SELENOF: variants seen among roughly 807,000 people sequenced by gnomAD.
SELENOF encodes the protein selenoprotein F, also known as 15 kDa selenoprotein.
SELENOF carries 16 observed loss-of-function variants against 20.5 expected under a neutral mutation model. That is an observed-to-expected ratio of 0.78 (90% CI 0.53 to 1.19). SELENOF has a LOEUF of 1.19. SELENOF is among the 50% of genes most tolerant of loss of function. SELENOF has a pLI of 0.00. For synonymous variants in SELENOF, 78 were observed against 74.5 expected, an observed-to-expected ratio of 1.05 and a Z score of -0.24; for missense variants, 215 against 194.2, an observed-to-expected ratio of 1.11 and a Z score of -0.64.
chr1:86,869,502 C>G (rs1162500259), intron 3 of SELENOF, among the ~76,000 whole-genome samples: 1 of 152,066 alleles, frequency 6.6e-6, no homozygotes. Context: ...AAGCTCTAAA[C>G]AAATCTTAAA....
intron 1 of SELENOF, among the ~76,000 whole-genome samples, chr1:86,911,130 G>GT (rs1212673443): frequency 1.3e-5 from 2 of 152,216 alleles, no homozygotes; most frequent in East Asian, 3.9e-4. Flanking sequence ...ACTATGGAAC[G>GT]TATCTCAGAG....
intron 2 of SELENOF, among the ~76,000 whole-genome samples, chr1:86,882,645 A>G (rs1341348842): frequency 6.6e-6 from 1 of 152,202 alleles, no homozygotes; most frequent in African/African-American, 2.4e-5. Flanking sequence ...CTGCAATTCT[A>G]CTTCTGGGTA....
At chr1:86,882,505 A>C (rs1659103196) in intron 2 of SELENOF, among the ~76,000 whole-genome samples, 1 of 151,616 alleles carries the variant, frequency 6.6e-6, no homozygotes. Flanking sequence ...AAAAAAAAAA[A>C]AAAAAGAGAT....
chr1:86,873,338 A>G (rs1391958970), intron 3 of SELENOF, among the ~76,000 whole-genome samples: 1 of 144,398 alleles, frequency 6.9e-6, no homozygotes, highest in African/African-American at 2.7e-5. Context: ...TTGATTTCTG[A>G]GAAAATTCAT....
chr1:86,908,730 C>CT (rs1391684002), intron 1 of SELENOF, among the ~76,000 whole-genome samples: 2 of 152,146 alleles, frequency 1.3e-5, no homozygotes, highest in Non-Finnish European at 2.9e-5. Context: ...TCATTCTATA[C>CT]TGCTTTTTAG....
At chr1:86,889,609 AAAC>A (rs1391247907) in intron 2 of SELENOF, among the ~76,000 whole-genome samples, 2 of 152,092 alleles carry the variant, frequency 1.3e-5, no homozygotes, top group African/African-American at 4.8e-5. Context: ...CAAACAAACA[AAAC>A]AACAACAACA....
At chr1:86,906,260 T>C (rs1659824651) in intron 1 of SELENOF, among the ~76,000 whole-genome samples, 3 of 152,352 alleles carry the variant, frequency 2.0e-5, no homozygotes, top group South Asian at 4.1e-4. Context: ...TTTGGGTAAT[T>C]TCTCCATCAG....
chr1:86,878,419 T>C (rs769950734), intron 3 of SELENOF, among the ~76,000 whole-genome samples: 3 of 152,320 alleles, frequency 2.0e-5, no homozygotes, highest in Middle Eastern at 3.4e-3. Flanking sequence ...TGGTGGCTCA[T>C]GCCTGTAATC....
At chr1:86,871,670 G>C (rs1343623396) in intron 3 of SELENOF, among the ~76,000 whole-genome samples, 2 of 152,030 alleles carry the variant, frequency 1.3e-5, no homozygotes, top group Non-Finnish European at 2.9e-5. Flanking sequence ...ACCTACCACT[G>C]TATTTAATTT....
chr1:86,876,627 T>G (rs576955), intron 3 of SELENOF, among the ~76,000 whole-genome samples: 46,504 of 152,102 alleles, frequency 0.31, 9,383 homozygotes, highest in African/African-American at 0.58. Flanking sequence ...TATAGATTGG[T>G]AGTCATCAGA....
intron 2 of SELENOF, among the ~76,000 whole-genome samples, chr1:86,891,787 A>G (rs1323481149): frequency 2.0e-5 from 3 of 152,216 alleles, no homozygotes; most frequent in Non-Finnish European, 4.4e-5. Flanking sequence ...CTAAGACTCA[A>G]CTACGAAATA....
chr1:86,899,671 G>C (rs1431474480), intron 2 of SELENOF, among the ~76,000 whole-genome samples: 1 of 151,536 alleles, frequency 6.6e-6, no homozygotes, highest in Non-Finnish European at 1.5e-5. Context: ...CGGATGGGGC[G>C]GCTGGCCTGG....
intron 4 of SELENOF, 124 bp downstream of exon 4, chr1:86,867,929 T>A: frequency 2.4e-6 from 1 of 417,090 alleles, no homozygotes; most frequent in Non-Finnish European, 4.2e-6. Flanking sequence ...AAATTAAAAA[T>A]TTAAATTGAT....
intron 1 of SELENOF, among the ~76,000 whole-genome samples, chr1:86,909,378 T>C (rs1215408012): frequency 2.0e-5 from 3 of 152,218 alleles, no homozygotes; most frequent in Admixed American, 6.5e-5. Context: ...GGGTGAATTG[T>C]CCAGCACTCT....
At chr1:86,913,986 C>T in intron 1 of SELENOF, 42 bp downstream of exon 1, 3 of 1,558,852 alleles carry the variant, frequency 1.9e-6, no homozygotes, top group Middle Eastern at 1.7e-4. Flanking sequence ...TGCAATCACT[C>T]CTACTCTCCC....
chr1:86,900,662 GGAGACGGAGACA>G (rs762665701), intron 2 of SELENOF, among the ~76,000 whole-genome samples: 11 of 151,792 alleles, frequency 7.2e-5, no homozygotes, highest in Non-Finnish European at 1.0e-4. Context: ...AGAGGGAGAG[GGAGACGGAGACA>G]GAGACGGAGA....
At chr1:86,907,816 T>G (rs1659868950) in intron 1 of SELENOF, among the ~76,000 whole-genome samples, 2 of 152,066 alleles carry the variant, frequency 1.3e-5, no homozygotes, top group Non-Finnish European at 2.9e-5. Context: ...AAACCCCGTC[T>G]CTACTAATAA....
At chr1:86,882,247 C>CAAAAAA (rs61037512) in intron 2 of SELENOF, among the ~76,000 whole-genome samples, 11 of 61,866 alleles carry the variant, frequency 1.8e-4, no homozygotes, top group Admixed American at 2.5e-4. Flanking sequence ...GACTCTGTCT[C>CAAAAAA]AAAAAAAAAA....
intron 3 of SELENOF, among the ~76,000 whole-genome samples, chr1:86,874,670 T>A (rs1024622667): frequency 4.6e-5 from 7 of 152,072 alleles, no homozygotes; most frequent in African/African-American, 1.7e-4. Context: ...AACAAAGAAG[T>A]ATATGTTCTG....
Sources: gnomAD v4.1 joint callset for allele counts (sites outside exome capture counted in the v4.1 genomes callset) on GRCh38, gnomAD v4.1.1 for gene constraint, MANE v1.5 for transcripts, NCBI Gene and HGNC (gene_info 2026-07-23, HGNC 2026-07-21) for gene names.